ARHGAP17: variants seen among roughly 807,000 people sequenced by gnomAD.
The protein encoded by ARHGAP17 is Rho GTPase activating protein 17, also known as rho GTPase-activating protein 17.
Under a neutral mutation model 99.5 loss-of-function variants are expected in ARHGAP17, and 57 were observed. The ratio of observed to expected loss-of-function variants is 0.57; its 90% confidence interval spans 0.46 to 0.71. The LOEUF (loss-of-function observed/expected upper bound fraction) is 0.71. Ranked by LOEUF, ARHGAP17 falls within the 30% of genes least tolerant of loss-of-function variation. The pLI is 0.00. For synonymous variants in ARHGAP17, 417 were observed against 429.6 expected (o/e 0.97, Z 0.36); for missense variants, 1,000 against 1,122.4 (o/e 0.89, Z 1.56).
chr16:24,949,406 A>G lies in ARHGAP17; in HGVS notation c.1125T>C (p.Phe375=). The G allele has an allele frequency of 1.2e-6, 2 of 1,613,296 alleles. No individual in the cohort carries two copies. The highest frequency in any genetic ancestry group is 1.7e-6 in the Non-Finnish European group (2 of 1,179,626). The part of the protein sequence containing the change: ...QKLPPQNFVN[F]RYLIKFLAKL... ...CATTGTAGCTCAATCATACATACCTAAAGTTAACAAAATTTTGTGGTGGCA... is the reference window on the plus strand; with the variant it reads ...CATTGTAGCTCAATCATACATACCTGAAGTTAACAAAATTTTGTGGTGGCA... Residue 375 remains phenylalanine (F), a splice_region_variant and synonymous_variant, in exon 13 of 20, where the codon TTT becomes TTC. Coordinates refer to ENST00000289968, the MANE Select transcript of ARHGAP17 (RefSeq NM_001006634.3).
intron 9 of ARHGAP17, chr16:24,956,357 C>T (rs1442838289): frequency 6.6e-6 from 1 of 152,318 alleles, no homozygotes; most frequent in Non-Finnish European, 1.5e-5. Flanking sequence ...GCAAATTCCA[C>T]CTCAGGCACT....
intron 16 of ARHGAP17, 40 bp from the exon 17 acceptor site, chr16:24,939,637 A>G (rs1381218184): frequency 4.5e-6 from 7 of 1,549,030 alleles, no homozygotes; most frequent in Admixed American, 3.9e-5. Context: ...CCATGCGAGC[A>G]GACTACTGAG....
chr16:24,993,236 C>T (rs1290401431), intron 1 of ARHGAP17, among the ~76,000 whole-genome samples: 3 of 151,928 alleles, frequency 2.0e-5, no homozygotes, highest in African/African-American at 7.3e-5. Flanking sequence ...GCACTTTTAC[C>T]TATATTATTT....
intron 4 of ARHGAP17, 39 bp from the exon 5 acceptor site, chr16:24,968,811 T>G: frequency 1.3e-6 from 2 of 1,596,884 alleles, no homozygotes; most frequent in African/African-American, 1.3e-5. Flanking sequence ...CACGTGCTCA[T>G]TAAATCAGGC....
At chr16:24,987,494 C>T (rs745832449) in intron 1 of ARHGAP17, among the ~76,000 whole-genome samples, 19 of 152,200 alleles carry the variant, frequency 1.2e-4, no homozygotes, top group Non-Finnish European at 2.6e-4. Flanking sequence ...GTTTTCCCAA[C>T]TTGCATTTCA....
chr16:24,941,934 C>G, intron 16 of ARHGAP17, 53 bp downstream of exon 16: 1 of 1,611,474 alleles, frequency 6.2e-7, no homozygotes, highest in Non-Finnish European at 8.5e-7. Flanking sequence ...CCAGATACCA[C>G]GGGTCTAACA....
At chr16:24,996,952 G>A (rs754600537) in intron 1 of ARHGAP17, among the ~76,000 whole-genome samples, 1 of 152,128 alleles carries the variant, frequency 6.6e-6, no homozygotes. Context: ...CTAGAATATG[G>A]AGAAATCATG....
At chr16:24,965,308 A>C (rs2141292753) in intron 6 of ARHGAP17, among the ~76,000 whole-genome samples, 1 of 152,186 alleles carries the variant, frequency 6.6e-6, no homozygotes, top group East Asian at 1.9e-4. Flanking sequence ...ATCTCTACTA[A>C]AAATACAAAA....
At chr16:24,986,843 G>A (rs1364252882) in intron 1 of ARHGAP17, among the ~76,000 whole-genome samples, 2 of 152,192 alleles carry the variant, frequency 1.3e-5, no homozygotes, top group Admixed American at 1.3e-4. Flanking sequence ...TGCCTCATAG[G>A]CAAGCAGCAG....
intron 9 of ARHGAP17, among the ~76,000 whole-genome samples, chr16:24,957,866 G>C (rs1277208488): frequency 6.6e-6 from 1 of 152,218 alleles, no homozygotes; most frequent in Non-Finnish European, 1.5e-5. Context: ...GACCATGAAT[G>C]TGACACCAGA....
intron 4 of ARHGAP17, 29 bp from the exon 5 acceptor site, chr16:24,968,801 C>A (rs1265070135): frequency 1.2e-6 from 2 of 1,607,956 alleles, no homozygotes; most frequent in African/African-American, 2.7e-5. Context: ...CAACAACGAG[C>A]ACGTGCTCAT....
At chr16:25,006,323 G>T (rs191501323) in intron 1 of ARHGAP17, among the ~76,000 whole-genome samples, 10 of 151,672 alleles carry the variant, frequency 6.6e-5, no homozygotes, top group African/African-American at 1.9e-4. Flanking sequence ...GGTGGTGTGC[G>T]CCTGTAGTCC....
intron 9 of ARHGAP17, among the ~76,000 whole-genome samples, chr16:24,958,408 T>G (rs1470751155): frequency 6.6e-6 from 1 of 152,234 alleles, no homozygotes; most frequent in African/African-American, 2.4e-5. Flanking sequence ...TAAATATATT[T>G]TCTTGGTCCT....
chr16:24,939,899 C>T, intron 16 of ARHGAP17: 1 of 391,092 alleles, frequency 2.6e-6, no homozygotes, highest in Non-Finnish European at 4.7e-6. Flanking sequence ...TATCCCCATA[C>T]TTCCTCTGCT....
chr16:24,953,733 G>A (rs569635674), intron 10 of ARHGAP17, among the ~76,000 whole-genome samples: 34 of 152,216 alleles, frequency 2.2e-4, no homozygotes, highest in African/African-American at 8.2e-4. Flanking sequence ...GAGAATGGAC[G>A]AATACACATG....
At position 24,931,390 on chromosome 16, in the gene ARHGAP17, C is replaced by T. The variant is rs1380356975; in HGVS notation, c.1909G>A (p.Ala637Thr). The T allele has an allele frequency of 6.0e-6, 9 of 1,503,186 alleles. No individual in the cohort carries two copies. Among genetic ancestry groups the T allele is most frequent in the Non-Finnish European group, 8.0e-6 (9 of 1,128,954 alleles). The allele number at this position is 1,503,186 out of a possible 1,614,324, so 93.1% of individuals were successfully genotyped here. ...HTLRRAVKKP[A>T]PAPPKPGNPP... ...TTGCCCGGTTTCGGGGGTGCTGGAG[C>T]GGGTTTTTTAACAGCTGCACAAAAA... The change falls in exon 19 of 20, where the codon GCT becomes ACT. Residue 637 changes from alanine to threonine, a missense_variant. This residue lies in a region of ARHGAP17 where 528 missense variants were observed against 511.4 expected (regional missense o/e 1.03). Coordinates refer to ENST00000289968, the MANE Select transcript of ARHGAP17 (RefSeq NM_001006634.3).
intron 1 of ARHGAP17, among the ~76,000 whole-genome samples, chr16:24,998,712 G>C (rs942761596): frequency 2.0e-5 from 3 of 152,200 alleles, no homozygotes; most frequent in African/African-American, 7.2e-5. Flanking sequence ...ACGACTGCAG[G>C]GTCTTTCTGG....
At chr16:24,999,406 T>G (rs1487185452) in intron 1 of ARHGAP17, among the ~76,000 whole-genome samples, 1 of 151,180 alleles carries the variant, frequency 6.6e-6, no homozygotes, top group East Asian at 1.9e-4. Flanking sequence ...GTGTTTTATT[T>G]ATTTATTTAT....
At chr16:24,991,382 T>A (rs2053036271) in intron 1 of ARHGAP17, among the ~76,000 whole-genome samples, 1 of 152,224 alleles carries the variant, frequency 6.6e-6, no homozygotes, top group South Asian at 2.1e-4. Context: ...AACCTTCAGA[T>A]AAATCCCAAG....
Sources: gnomAD v4.1 joint callset for allele counts (sites outside exome capture counted in the v4.1 genomes callset) on GRCh38, gnomAD v4.1.1 for gene constraint, gnomAD v4.1.1 regional missense constraint, MANE v1.5 for transcripts, NCBI Gene and HGNC (gene_info 2026-07-23, HGNC 2026-07-21) for gene names.